The following FOXP2 variants were observed in gnomAD, a reference collection of about 807,000 sequenced individuals.
The protein encoded by FOXP2 is forkhead box P2.
A neutral mutation model predicts 115.8 loss-of-function variants in FOXP2; 12 were observed. The ratio of observed to expected loss-of-function variants is 0.10; its 90% confidence interval spans 0.07 to 0.17. The LOEUF (loss-of-function observed/expected upper bound fraction) is 0.17. Among genes scored for constraint, FOXP2 ranks in the 10% least tolerant of loss-of-function variants. The pLI, the probability that FOXP2 is intolerant of heterozygous loss-of-function variation, is 1.00. For synonymous variants in FOXP2, 328 were observed against 297.7 expected (o/e 1.10, Z -1.05); for missense variants, 629 against 843.5 (o/e 0.75, Z 3.15).
intron 2 of FOXP2, among the ~76,000 whole-genome samples, chr7:114,500,271 G>A (rs983444517): frequency 1.3e-5 from 2 of 149,652 alleles, no homozygotes; most frequent in African/African-American, 4.9e-5. Flanking sequence ...TTGTCAAAAT[G>A]AGAAACTGAA....
At chr7:114,534,819 G>A in intron 3 of FOXP2, 113 bp downstream of exon 3, 1 of 789,550 alleles carries the variant, frequency 1.3e-6, no homozygotes, top group Non-Finnish European at 2.2e-6. Flanking sequence ...TGCATATGTA[G>A]GTAATTTTAA....
At chr7:114,659,325 C>G (rs761348720) in intron 11 of FOXP2, 31 bp from the exon 12 acceptor site, 6 of 1,386,652 alleles carry the variant, frequency 4.3e-6, no homozygotes, top group Non-Finnish European at 6.2e-6. Flanking sequence ...GAATTATTAG[C>G]AGAATTAACA....
intron 1 of FOXP2, among the ~76,000 whole-genome samples, chr7:114,123,564 T>A (rs1221077407): frequency 1.3e-5 from 2 of 152,052 alleles, no homozygotes; most frequent in African/African-American, 2.4e-5. Flanking sequence ...ATTAGAAATC[T>A]TTTATCATCC....
chr7:114,491,998 C>A (rs922384096), intron 2 of FOXP2, among the ~76,000 whole-genome samples: 6 of 152,162 alleles, frequency 3.9e-5, no homozygotes, highest in Non-Finnish European at 8.8e-5. Flanking sequence ...ACCAGCTCCT[C>A]CTTATACCTC....
chr7:114,107,988 T>A (rs1562966526), intron 1 of FOXP2, among the ~76,000 whole-genome samples: 1 of 151,942 alleles, frequency 6.6e-6, no homozygotes, highest in Non-Finnish European at 1.5e-5. Context: ...TTAGCTACCA[T>A]TGAAAGTAAA....
intron 1 of FOXP2, among the ~76,000 whole-genome samples, chr7:114,278,712 T>G (rs1181958394): frequency 6.6e-6 from 1 of 152,164 alleles, no homozygotes; most frequent in Non-Finnish European, 1.5e-5. Context: ...TAAGCAAAAT[T>G]GGAACAGAAG....
chr7:114,102,696 C>CCACACACACACA lies in FOXP2; in HGVS notation c.-247+14884_-247+14895dup, dbSNP rs10624558. Among the ~76,000 whole-genome samples, 978 of 136,454 alleles carry CCACACACACACA rather than the reference C, an allele frequency of 7.2e-3. 5 individuals carry two copies. The highest frequency in any genetic ancestry group is 0.021 in the African/African-American group (778 of 37,350). The allele number at this position is 136,454 out of a possible 152,430, so 89.5% of individuals were successfully genotyped here. On this transcript the variant is annotated intron_variant, in intron 1 of 19. Transcript: ENST00000635638. ...GCTACACACATACAAACACCACACA[C>CCACACACACACA]CACACACACACACACACACACACAC... is the stretch of plus-strand genomic sequence containing the variant.
chr7:114,203,692 A>G (rs1794130995), intron 1 of FOXP2, among the ~76,000 whole-genome samples: 1 of 152,178 alleles, frequency 6.6e-6, no homozygotes, highest in South Asian at 2.1e-4. Context: ...TGTTTGGCTT[A>G]CAAACTGATA....
At chr7:114,215,103 A>G (rs1794453151) in intron 1 of FOXP2, among the ~76,000 whole-genome samples, 1 of 152,150 alleles carries the variant, frequency 6.6e-6, no homozygotes. Flanking sequence ...ATAAGGACTA[A>G]GTATTATTAT....
chr7:114,353,689 C>T (rs1179264165), intron 2 of FOXP2, among the ~76,000 whole-genome samples: 1 of 152,014 alleles, frequency 6.6e-6, no homozygotes, highest in African/African-American at 2.4e-5. Flanking sequence ...TAAATCACTC[C>T]TTCTTAGAGC....
At chr7:114,382,707 C>A (rs936947551) in intron 2 of FOXP2, among the ~76,000 whole-genome samples, 2 of 152,114 alleles carry the variant, frequency 1.3e-5, no homozygotes, top group Non-Finnish European at 2.9e-5. Context: ...GGGCCTAAGG[C>A]AGACTTTTGA....
At chr7:114,584,509 C>G (rs1802030309) in intron 3 of FOXP2, among the ~76,000 whole-genome samples, 1 of 152,198 alleles carries the variant, frequency 6.6e-6, no homozygotes, top group South Asian at 2.1e-4. Flanking sequence ...CTTTCTTGAA[C>G]TAACACCTTA....
At chr7:114,428,147 A>G (rs529005753) in intron 2 of FOXP2, among the ~76,000 whole-genome samples, 93 of 151,690 alleles carry the variant, frequency 6.1e-4, no homozygotes, top group Middle Eastern at 3.4e-3. Flanking sequence ...AGCCAGATTC[A>G]ATTTTGCCTG....
intron 1 of FOXP2, among the ~76,000 whole-genome samples, chr7:114,115,498 A>G (rs1584487149): frequency 1.3e-5 from 2 of 152,008 alleles, no homozygotes; most frequent in African/African-American, 4.8e-5. Context: ...GCTCTTCAAC[A>G]CACTGGCATC....
chr7:114,172,465 C>G (rs1793173455), intron 1 of FOXP2, among the ~76,000 whole-genome samples: 1 of 152,026 alleles, frequency 6.6e-6, no homozygotes, highest in Non-Finnish European at 1.5e-5. Context: ...ATCCATAGGC[C>G]TGTACAAAAC....
At chr7:114,427,655 T>C (rs1485244133) in intron 2 of FOXP2, among the ~76,000 whole-genome samples, 3 of 151,590 alleles carry the variant, frequency 2.0e-5, no homozygotes, top group African/African-American at 4.8e-5. Flanking sequence ...ATTGAAAAGA[T>C]TGCAAATTAT....
chr7:114,647,595 G>T, intron 8 of FOXP2, among the ~76,000 whole-genome samples: 1 of 151,960 alleles, frequency 6.6e-6, no homozygotes. Flanking sequence ...TTGAGTTTTA[G>T]TGTAAAGTAG....
intron 6 of FOXP2, among the ~76,000 whole-genome samples, chr7:114,637,861 T>G (rs1225277253): frequency 1.3e-5 from 2 of 152,158 alleles, no homozygotes; most frequent in African/African-American, 2.4e-5. Flanking sequence ...TTTCTTTGCC[T>G]TAGTGTCCCC....
chr7:114,645,539 A>G (rs1176997819), intron 8 of FOXP2: 2 of 152,256 alleles, frequency 1.3e-5, no homozygotes, highest in East Asian at 3.9e-4. Context: ...ATTCTGGTGT[A>G]CAAGAGATCT....
Sources: gnomAD v4.1 joint callset for allele counts (sites outside exome capture counted in the v4.1 genomes callset) on GRCh38, gnomAD v4.1.1 for gene constraint, MANE v1.5 for transcripts, NCBI Gene and HGNC (gene_info 2026-07-23, HGNC 2026-07-21) for gene names.